Variants in PRPF4 observed in about 807,000 individuals in gnomAD.
The protein encoded by PRPF4 is U4/U6 small nuclear ribonucleoprotein Prp4.
In PRPF4, 14 loss-of-function variants were observed where a neutral mutation model predicts 72.2. The ratio of observed to expected loss-of-function variants is 0.19; its 90% CI spans 0.13 to 0.30. The LOEUF is 0.30. Among genes scored for constraint, PRPF4 ranks in the 10% least tolerant of loss-of-function variants. The pLI is 1.00. For synonymous variants in PRPF4, 225 were observed against 232.2 expected, an observed-to-expected ratio of 0.97 and a Z score of 0.28; for missense variants, 478 against 653.9, an observed-to-expected ratio of 0.73 and a Z score of 2.93.
chr9:113,280,446 T>A (rs1832244652), intron 3 of PRPF4, among the ~76,000 whole-genome samples: 1 of 152,160 alleles, frequency 6.6e-6, no homozygotes, highest in Admixed American at 6.5e-5. Context: ...ATTGAAATAT[T>A]TCCCCACCTC....
rs763796570 is a variant in PRPF4 at position 113,290,826 on chromosome 9, A to G, written c.1253+19A>G. 19 of 1,613,458 alleles carry G rather than the reference A, an allele frequency of 1.2e-5. No individual in the cohort carries two copies. The highest frequency in any genetic ancestry group is 1.6e-5 in the Non-Finnish European group (19 of 1,179,358). ...CCAATGGGTAAAATAAACACACTGA[A>G]TGAGGGGCGAAAAAGGGTTCTGGGT... On this transcript the variant is annotated intron_variant, in intron 12 of 13. Coordinates refer to ENST00000374198, the MANE Select transcript of PRPF4 (RefSeq NM_001244926.2).
intron 8 of PRPF4, among the ~76,000 whole-genome samples, 188 bp downstream of exon 8, chr9:113,286,478 G>C (rs180831857): frequency 9.2e-5 from 14 of 152,294 alleles, no homozygotes; most frequent in Admixed American, 9.1e-4. Context: ...CTCATGTGCA[G>C]TCACACTCTG....
intron 9 of PRPF4, 52 bp from the exon 10 acceptor site, chr9:113,288,123 T>C (rs1832503193): frequency 6.4e-7 from 1 of 1,555,438 alleles, no homozygotes. Context: ...TAAGCAGTTT[T>C]GTGACTATTT....
chr9:113,279,959 G>C (rs1025328554), intron 3 of PRPF4, among the ~76,000 whole-genome samples: 17 of 152,130 alleles, frequency 1.1e-4, no homozygotes, highest in African/African-American at 3.4e-4. Context: ...AGCCCCTCTG[G>C]TCTCTCTGTC....
chr9:113,289,391 T>G (rs1488721809), intron 10 of PRPF4, among the ~76,000 whole-genome samples: 1 of 152,132 alleles, frequency 6.6e-6, no homozygotes, highest in Non-Finnish European at 1.5e-5. Flanking sequence ...ATATTTAACT[T>G]TTTCTAAACT....
At position 113,288,277 on chromosome 9, in the gene PRPF4, G is replaced by A. The variant is rs756080563; in HGVS notation, c.1022+13G>A. Reference sequence around the variant, plus strand: ...TGGGCACCACCTGGTGAGCCATCCTGTTATTGTTTTATCCATATAGGCCTG... The same window carrying A: ...TGGGCACCACCTGGTGAGCCATCCTATTATTGTTTTATCCATATAGGCCTG... On this transcript the variant is annotated intron_variant, in intron 10 of 13. Transcript: ENST00000374198. The A allele has an allele frequency of 3.2e-5, 51 of 1,612,856 alleles. No homozygotes were observed. The highest frequency in any genetic ancestry group is 3.8e-5 in the Non-Finnish European group (45 of 1,179,098).
At chr9:113,285,737 C>T (rs1211488145) in intron 7 of PRPF4, among the ~76,000 whole-genome samples, 3 of 151,696 alleles carry the variant, frequency 2.0e-5, no homozygotes, top group Non-Finnish European at 4.4e-5. Flanking sequence ...TGGTGGCATG[C>T]GCCTGTTAGT....
In PRPF4 at chr9:113,291,605, A is replaced by G; in HGVS notation, c.1511A>G (p.Gln504Arg). Reference sequence around the variant, plus strand: ...GGCCTAGATATTTCTTCCGATGGGCAGCTCATAGCCACTTGCTCATATGAC... The same window carrying G: ...GGCCTAGATATTTCTTCCGATGGGCGGCTCATAGCCACTTGCTCATATGAC... ...VMGLDISSDG[Q>R]LIATCSYDRT... The change falls in exon 14 of 14, where the codon CAG (glutamine) becomes CGG (arginine). Residue 504 changes from glutamine (Q) to arginine (R), a missense_variant. Physicochemically the swap from Gln to Arg is conservative, Grantham distance 43 (BLOSUM62 1). Transcript: ENST00000374198. 6.2e-7 allele frequency: 1 copy of G among 1,614,204 alleles called. No individual in the cohort carries two copies. The highest frequency in any genetic ancestry group is 8.5e-7 in the Non-Finnish European group (1 of 1,180,040).
In PRPF4 at chr9:113,279,126, A is replaced by G; in HGVS notation, c.387A>G (p.Arg129=). ...TTGGAGAGGGTCCTGCTGAAAGAAG[A>G]GAAAGGTTGCCTTTCTAAATATTTA... ...TLFGEGPAER[R]ERLRNILSVV... Residue 129 remains arginine, a synonymous_variant, in exon 3 of 14, where the codon AGA becomes AGG. Transcript: ENST00000374198. 1.2e-6 allele frequency: 2 copies of G among 1,604,398 alleles called. No individual in the cohort carries two copies. Among genetic ancestry groups the G allele is most frequent in the South Asian group, 1.1e-5 (1 of 88,734 alleles).
chr9:113,284,067 CAAAAA>C (rs538497931), intron 6 of PRPF4, among the ~76,000 whole-genome samples: 2 of 80,176 alleles, frequency 2.5e-5, no homozygotes, highest in South Asian at 4.2e-4. Context: ...GACTCTGTCT[CAAAAA>C]AAAAAAAAAA....
At chr9:113,280,679 C>G (rs2118601652) in intron 3 of PRPF4, among the ~76,000 whole-genome samples, 1 of 152,310 alleles carries the variant, frequency 6.6e-6, no homozygotes, top group East Asian at 1.9e-4. Context: ...GTAAAAAACT[C>G]TTACCATGGT....
chr9:113,290,811 A>C lies in PRPF4; in HGVS notation c.1253+4A>C. The C allele has an allele frequency of 6.2e-7, 1 of 1,614,056 alleles. No homozygotes were observed. The highest frequency in any genetic ancestry group is 1.1e-5 in the South Asian group (1 of 91,082). ...GAATAAATTTCTCCCCCAATGGGTA[A>C]AATAAACACACTGAATGAGGGGCGA... On this transcript the variant is annotated splice_donor_region_variant and intron_variant, in intron 12 of 13. Transcript: ENST00000374198.
Position 113,282,702 on chromosome 9 carries a change from A to T in PRPF4, c.449A>T (p.Asp150Val), listed in dbSNP as rs1444537666. The change falls in exon 4 of 14, where the codon GAT becomes GTT. Residue 150 changes from aspartate to valine, a missense_variant. Coordinates refer to ENST00000374198, the MANE Select transcript of PRPF4 (RefSeq NM_001244926.2). ...GATGCCTTGAAAAAGACCAAAAAGG[A>T]TGATGAGAAGTCTAAAAAGTCCAAA... ...GTDALKKTKK[D>V]DEKSKKSKEE... 6.2e-7 allele frequency: 1 copy of T among 1,611,958 alleles called. No individual in the cohort carries two copies. Among genetic ancestry groups the T allele is most frequent in the East Asian group, 2.2e-5 (1 of 44,804 alleles).
At chr9:113,280,207 C>T (rs1832235095) in intron 3 of PRPF4, among the ~76,000 whole-genome samples, 1 of 152,176 alleles carries the variant, frequency 6.6e-6, no homozygotes, top group South Asian at 2.1e-4. Flanking sequence ...CCTTCACTCT[C>T]CTAATAACAA....
At chr9:113,281,420 T>C (rs1216389831) in intron 3 of PRPF4, among the ~76,000 whole-genome samples, 1 of 152,230 alleles carries the variant, frequency 6.6e-6, no homozygotes, top group Non-Finnish European at 1.5e-5. Flanking sequence ...ACTATCTGAA[T>C]TTCAGTCCAC....
intron 10 of PRPF4, among the ~76,000 whole-genome samples, chr9:113,289,818 G>C (rs577262875): frequency 2.0e-5 from 3 of 152,078 alleles, no homozygotes; most frequent in Non-Finnish European, 2.9e-5. Flanking sequence ...ATCCAATTTA[G>C]GGCCTAGTAA....
intron 5 of PRPF4, 42 bp from the exon 6 acceptor site, chr9:113,283,347 T>A: frequency 1.9e-6 from 3 of 1,613,666 alleles, no homozygotes; most frequent in Non-Finnish European, 2.5e-6. Context: ...GGTCCTTGTT[T>A]ACAACCCTGT....
At chr9:113,282,041 T>A (rs188358251) in intron 3 of PRPF4, among the ~76,000 whole-genome samples, 1 of 152,262 alleles carries the variant, frequency 6.6e-6, no homozygotes, top group Non-Finnish European at 1.5e-5. Flanking sequence ...GACCAAGTGG[T>A]AGCAGTGTAG....
chr9:113,281,631 C>T (rs1015659317), intron 3 of PRPF4, among the ~76,000 whole-genome samples: 9 of 152,168 alleles, frequency 5.9e-5, no homozygotes, highest in Non-Finnish European at 1.0e-4. Context: ...CTATGTTCTA[C>T]GCTCCAGCCA....
Sources: gnomAD v4.1 joint callset for allele counts (sites outside exome capture counted in the v4.1 genomes callset) on GRCh38, gnomAD v4.1.1 for gene constraint, MANE v1.5 for transcripts, NCBI Gene and HGNC (gene_info 2026-07-23, HGNC 2026-07-21) for gene names.